Variants in NFKB1 observed in about 807,000 individuals in gnomAD.
The protein encoded by NFKB1 is nuclear factor kappa B subunit 1, also known as nuclear factor NF-kappa-B p105 subunit.
NFKB1 carries 9 observed loss-of-function variants against 105.1 expected under a neutral mutation model. That is an observed-to-expected ratio of 0.09 (90% CI 0.05 to 0.15). The LOEUF (loss-of-function observed/expected upper bound fraction) is 0.15. Among genes scored for constraint, NFKB1 ranks in the 10% least tolerant of loss-of-function variants. NFKB1 has a pLI of 1.00. For missense variants in NFKB1, 830 were observed against 1,203.7 expected, an observed-to-expected ratio of 0.69 and a Z score of 4.59; for synonymous variants, 440 against 442.2, an observed-to-expected ratio of 1.00 and a Z score of 0.06.
At chr4:102,560,385 A>G (rs1723324060) in intron 5 of NFKB1, among the ~76,000 whole-genome samples, 1 of 152,214 alleles carries the variant, frequency 6.6e-6, no homozygotes, top group Non-Finnish European at 1.5e-5. Flanking sequence ...TAGAGATTTT[A>G]TTCATCGTCT....
chr4:102,532,885 C>T (rs1160737076), intron 3 of NFKB1, among the ~76,000 whole-genome samples: 1 of 152,090 alleles, frequency 6.6e-6, no homozygotes, highest in Non-Finnish European at 1.5e-5. Flanking sequence ...GATTATTGTA[C>T]TATTGACATA....
At chr4:102,606,843 G>A in intron 17 of NFKB1, 146 bp downstream of exon 17, 1 of 910,412 alleles carries the variant, frequency 1.1e-6, no homozygotes, top group South Asian at 1.8e-5. Context: ...GGGCATTTCT[G>A]TTGCTCACCA....
At chr4:102,546,310 G>A (rs1288210082) in intron 5 of NFKB1, among the ~76,000 whole-genome samples, 2 of 151,954 alleles carry the variant, frequency 1.3e-5, no homozygotes, top group Non-Finnish European at 2.9e-5. Flanking sequence ...ATGTGAAGCT[G>A]TCTTACTTAG....
chr4:102,588,524 T>C (rs7692606), intron 11 of NFKB1, among the ~76,000 whole-genome samples: 51,533 of 151,958 alleles, frequency 0.34, 9,162 homozygotes, highest in Admixed American at 0.44. Flanking sequence ...AAATAATCTT[T>C]AAATTATGAA....
chr4:102,605,258 AAG>A (rs1727606005), intron 16 of NFKB1, among the ~76,000 whole-genome samples: 1 of 152,192 alleles, frequency 6.6e-6, no homozygotes, highest in Non-Finnish European at 1.5e-5. Flanking sequence ...TAGAAAATGA[AAG>A]AAATAAGGGC....
chr4:102,519,491 A>G (rs1295148688), intron 1 of NFKB1, among the ~76,000 whole-genome samples: 1 of 149,804 alleles, frequency 6.7e-6, no homozygotes, highest in Non-Finnish European at 1.5e-5. Context: ...TAGACCAAAG[A>G]AAATTTTTTT....
At chr4:102,600,484 G>A (rs1024656375) in intron 15 of NFKB1, among the ~76,000 whole-genome samples, 1 of 152,180 alleles carries the variant, frequency 6.6e-6, no homozygotes, top group Admixed American at 6.5e-5. Context: ...CTAGTGCCAG[G>A]CATTCATTTT....
At chr4:102,541,322 G>C (rs538916673) in intron 5 of NFKB1, among the ~76,000 whole-genome samples, 1 of 74,716 alleles carries the variant, frequency 1.3e-5, no homozygotes. Flanking sequence ...CATAGATTAC[G>C]TAGAATTGTC....
At chr4:102,529,134 T>G (rs1741113268) in intron 2 of NFKB1, among the ~76,000 whole-genome samples, 1 of 152,184 alleles carries the variant, frequency 6.6e-6, no homozygotes, top group African/African-American at 2.4e-5. Context: ...AATTTCCTTT[T>G]GTCATATAAG....
At chr4:102,532,698 G>A (rs1240016139) in intron 3 of NFKB1, among the ~76,000 whole-genome samples, 1 of 152,044 alleles carries the variant, frequency 6.6e-6, no homozygotes, top group Non-Finnish European at 1.5e-5. Flanking sequence ...TCAACCTGAA[G>A]GTTTATCTCC....
At chr4:102,542,611 A>C (rs1742078635) in intron 5 of NFKB1, among the ~76,000 whole-genome samples, 1 of 152,098 alleles carries the variant, frequency 6.6e-6, no homozygotes, top group Non-Finnish European at 1.5e-5. Context: ...TGCTACTCTG[A>C]ACTTTCACTC....
At position 102,579,015 on chromosome 4, in the gene NFKB1, G is replaced by A. The variant is rs993488882; in HGVS notation, c.706G>A (p.Val236Ile). The change falls in exon 8 of 24, where the codon GTA becomes ATA. Residue 236 changes from valine to isoleucine, a missense_variant. Val to Ile is a conservative substitution (Grantham distance 29). Around this residue, in one of 8 missense-constraint regions of NFKB1, gnomAD observed 80 missense variants for 122.6 expected, o/e 0.65. Coordinates refer to ENST00000226574, the MANE Select transcript of NFKB1 (RefSeq NM_003998.4). ...CTTCACAAGGCGCCTGGAACCCGTG[G>A]TATCAGACGCCATCTATGACAGTAG... The part of the protein sequence containing the change: ...GSFTRRLEPV[V>I]SDAIYDSKAP... 4 of 1,613,960 alleles carry A rather than the reference G, an allele frequency of 2.5e-6. No individual in the cohort carries two copies. The highest frequency in any genetic ancestry group is 1.3e-5 in the African/African-American group (1 of 74,908).
chr4:102,593,499 G>A lies in NFKB1; in HGVS notation c.1141G>A (p.Ala381Thr). The change falls in exon 12 of 24, where the codon GCT (alanine) becomes ACT (threonine). Residue 381 changes from alanine (A) to threonine (T), a missense_variant. Coordinates refer to ENST00000226574, the MANE Select transcript of NFKB1 (RefSeq NM_003998.4). ...FSDSFGGGSG[A>T]GAGGGGMFGS... ...GGATAGTTTCGGCGGTGGTAGTGGTGCTGGAGCTGGAGGCGGAGGCATGTT... is the reference window on the plus strand; with the variant it reads ...GGATAGTTTCGGCGGTGGTAGTGGTACTGGAGCTGGAGGCGGAGGCATGTT... 6.2e-7 allele frequency: 1 copy of A among 1,613,760 alleles called. No homozygotes were observed. Among genetic ancestry groups the A allele is most frequent in the South Asian group, 1.1e-5 (1 of 91,048 alleles).
intron 14 of NFKB1, among the ~76,000 whole-genome samples, chr4:102,596,964 G>T (rs747527164): frequency 2.6e-5 from 4 of 152,016 alleles, no homozygotes; most frequent in Non-Finnish European, 5.9e-5. Context: ...GCCATGATTA[G>T]CTAGGGAGCT....
chr4:102,512,624 T>A (rs1368157844), intron 1 of NFKB1, among the ~76,000 whole-genome samples: 2 of 152,192 alleles, frequency 1.3e-5, no homozygotes, highest in Admixed American at 6.5e-5. Context: ...GGATTATAGG[T>A]GTGAGCCACC....
At chr4:102,509,181 C>T (rs1264724458) in intron 1 of NFKB1, among the ~76,000 whole-genome samples, 1 of 152,162 alleles carries the variant, frequency 6.6e-6, no homozygotes, top group Non-Finnish European at 1.5e-5. Context: ...ACTCTCATAC[C>T]ATATCATAGC....
At chr4:102,560,881 C>T (rs1378839740) in intron 5 of NFKB1, among the ~76,000 whole-genome samples, 6 of 152,154 alleles carry the variant, frequency 3.9e-5, no homozygotes, top group Non-Finnish European at 7.3e-5. Context: ...TACCATGTAC[C>T]AGGGACTGCG....
chr4:102,577,021 G>A lies in NFKB1; in HGVS notation c.553G>A (p.Gly185Arg), dbSNP rs1724878237. 1 of 1,611,138 alleles carries A rather than the reference G, an allele frequency of 6.2e-7. No homozygotes were observed. The highest frequency in any genetic ancestry group is 1.3e-5 in the African/African-American group (1 of 74,668). The change falls in exon 7 of 24, where the codon GGG becomes AGG. Residue 185 changes from glycine (G) to arginine (R), a missense_variant. Gly to Arg is a moderately radical substitution (Grantham distance 125, BLOSUM62 -2). This residue lies in a region of NFKB1 where 80 missense variants were observed against 122.6 expected (regional missense o/e 0.65). Transcript: ENST00000226574. The part of the protein sequence containing the change: ...DLAYLQAEGG[G>R]DRQLGDREKE... ...TGCCTATTTGCAAGCAGAAGGTGGA[G>A]GGGACCGGCAGCTGGGAGGTAAGCA...
At chr4:102,559,816 G>A (rs1240823127) in intron 5 of NFKB1, among the ~76,000 whole-genome samples, 4 of 151,594 alleles carry the variant, frequency 2.6e-5, no homozygotes, top group Non-Finnish European at 4.4e-5. Flanking sequence ...GCATGCACCT[G>A]TAGTCCTAGC....
Sources: gnomAD v4.1 joint callset for allele counts (sites outside exome capture counted in the v4.1 genomes callset) on GRCh38, gnomAD v4.1.1 for gene constraint, gnomAD v4.1.1 regional missense constraint, MANE v1.5 for transcripts, NCBI Gene and HGNC (gene_info 2026-07-23, HGNC 2026-07-21) for gene names.